The following NTNG1 variants were observed in gnomAD, a reference collection of about 807,000 sequenced individuals.
NTNG1 encodes netrin G1.
Under a neutral mutation model 54.0 loss-of-function variants are expected in NTNG1, and 16 were observed. The ratio of observed to expected loss-of-function variants is 0.30; its 90% confidence interval spans 0.20 to 0.45. NTNG1 has a LOEUF of 0.45. Ranked by LOEUF, NTNG1 falls within the 20% of genes least tolerant of loss-of-function variation. NTNG1 has a pLI of 1.00. For missense variants in NTNG1, 530 were observed against 678.7 expected, an observed-to-expected ratio of 0.78 and a Z score of 2.43; for synonymous variants, 255 against 263.1, an observed-to-expected ratio of 0.97 and a Z score of 0.30.
intron 2 of NTNG1, among the ~76,000 whole-genome samples, chr1:107,193,255 TA>T (rs1658091950): frequency 6.6e-6 from 1 of 152,012 alleles, no homozygotes. Flanking sequence ...CTGGTCTTCT[TA>T]CTTCTCATAG....
chr1:107,368,637 C>T lies in NTNG1; in HGVS notation c.888-26517C>T, dbSNP rs367781463. Among the ~76,000 whole-genome samples, 27 of 152,214 alleles carry T rather than the reference C, an allele frequency of 1.8e-4. No individual in the cohort carries two copies. The East Asian group carries it at 3.5e-3, about 20-fold the overall frequency. ...AGCATTCTTCTGAGTCCTTTAAGTG[C>T]ATTATTTCACTTACTCTTCATATCA... On this transcript the variant is annotated intron_variant, in intron 3 of 7. Coordinates refer to ENST00000370068, the MANE Select transcript of NTNG1 (RefSeq NM_001113226.3).
chr1:107,284,390 T>G (rs1665063006), intron 2 of NTNG1, among the ~76,000 whole-genome samples: 1 of 152,122 alleles, frequency 6.6e-6, no homozygotes, highest in South Asian at 2.1e-4. Flanking sequence ...TACCTAAAAG[T>G]ATTGATTGGT....
intron 2 of NTNG1, among the ~76,000 whole-genome samples, chr1:107,304,433 T>G (rs953691001): frequency 6.6e-6 from 1 of 152,212 alleles, no homozygotes; most frequent in Non-Finnish European, 1.5e-5. Flanking sequence ...ACATGAATTC[T>G]TCCTTTCTAT....
chr1:107,185,636 A>G (rs1657398390), intron 2 of NTNG1, among the ~76,000 whole-genome samples: 1 of 152,168 alleles, frequency 6.6e-6, no homozygotes, highest in Admixed American at 6.5e-5. Context: ...AGTCAGAACA[A>G]GGTGGAAATC....
At chr1:107,265,010 C>G (rs564169004) in intron 2 of NTNG1, among the ~76,000 whole-genome samples, 76 of 152,324 alleles carry the variant, frequency 5.0e-4, no homozygotes, top group African/African-American at 1.7e-3. Context: ...CTCCCCCCGT[C>G]AGTGTTTTGC....
At chr1:107,395,948 A>C (rs1281745799) in intron 4 of NTNG1, among the ~76,000 whole-genome samples, 1 of 152,192 alleles carries the variant, frequency 6.6e-6, no homozygotes, top group Non-Finnish European at 1.5e-5. Context: ...TTTTCTACGC[A>C]TGTGAAAGAG....
intron 5 of NTNG1, among the ~76,000 whole-genome samples, chr1:107,429,242 A>G (rs1022366673): frequency 6.6e-6 from 1 of 152,012 alleles, no homozygotes. Context: ...CTCTGCTTCT[A>G]TCCAAATTTG....
In NTNG1 at chr1:107,408,174, A is replaced by G. The variant is rs140968952; in HGVS notation, c.1087+466A>G. On this transcript the variant is annotated intron_variant, in intron 5 of 7. Transcript: ENST00000370068. ...AGAAAAAGTCCATGATACCAAGGGA[A>G]GGGAATTTTGTTAATGCATTAAATT... 89 of 242,426 alleles carry G rather than the reference A, an allele frequency of 3.7e-4. No homozygotes were observed. The East Asian group carries it at 8.2e-3, about 22-fold the overall frequency. 15.0% of individuals were successfully genotyped at this position (242,426 alleles called of 1,614,324 possible).
chr1:107,362,432 C>G (rs1670355566), intron 3 of NTNG1, among the ~76,000 whole-genome samples: 1 of 152,220 alleles, frequency 6.6e-6, no homozygotes, highest in African/African-American at 2.4e-5. Context: ...GCTTTAATTA[C>G]TGGAAAGCTA....
intron 7 of NTNG1, among the ~76,000 whole-genome samples, chr1:107,442,268 A>C (rs1267187220): frequency 6.6e-6 from 1 of 152,176 alleles, no homozygotes; most frequent in African/African-American, 2.4e-5. Context: ...GTATTGTTCC[A>C]AACATTAAGA....
At chr1:107,163,335 G>T (rs1655547735) in intron 2 of NTNG1, among the ~76,000 whole-genome samples, 2 of 151,988 alleles carry the variant, frequency 1.3e-5, no homozygotes, top group Admixed American at 6.6e-5. Flanking sequence ...TCTTTGTTTT[G>T]AAAAATAATA....
chr1:107,363,068 T>A (rs1289074662), intron 3 of NTNG1, among the ~76,000 whole-genome samples: 1 of 152,252 alleles, frequency 6.6e-6, no homozygotes, highest in Admixed American at 6.5e-5. Flanking sequence ...GGTCAGGGTT[T>A]CATATTGCTG....
At chr1:107,480,583 C>CCCCCCCCCCCCA in intron 7 of NTNG1, 28 bp from the exon 8 acceptor site, 1 of 744,750 alleles carries the variant, frequency 1.3e-6, no homozygotes, top group Non-Finnish European at 2.3e-6. Flanking sequence ...CGCGCCCACC[C>CCCCCCCCCCCCA]ACCCCTACCT....
intron 2 of NTNG1, among the ~76,000 whole-genome samples, chr1:107,218,708 A>G (rs1031010454): frequency 1.3e-5 from 2 of 152,276 alleles, no homozygotes; most frequent in South Asian, 2.1e-4. Context: ...TCCTTCATTT[A>G]TGAGGCTTAG....
chr1:107,145,620 C>T (rs1482384709), intron 1 of NTNG1, among the ~76,000 whole-genome samples: 1 of 152,002 alleles, frequency 6.6e-6, no homozygotes. Context: ...CAAAGCTTGA[C>T]ATTTTTAATA....
At chr1:107,391,784 T>C (rs10881464) in intron 3 of NTNG1, among the ~76,000 whole-genome samples, 1 of 151,764 alleles carries the variant, frequency 6.6e-6, no homozygotes, top group South Asian at 2.1e-4. Context: ...ATTACCACAA[T>C]GAGGGCACCA....
intron 2 of NTNG1, among the ~76,000 whole-genome samples, chr1:107,226,474 T>A (rs1223810929): frequency 6.6e-6 from 1 of 152,144 alleles, no homozygotes; most frequent in African/African-American, 2.4e-5. Flanking sequence ...AAAACACATG[T>A]AGGTTCATAT....
chr1:107,483,173 C>T lies in NTNG1; in HGVS notation c.*2333C>T, dbSNP rs967232438. The T allele has an allele frequency of 3.9e-5, 6 of 152,216 alleles. No individual in the cohort carries two copies. Among genetic ancestry groups the T allele is most frequent in the African/African-American group, 1.4e-4 (6 of 41,454 alleles). The allele number at this position is 152,216 out of a possible 1,614,324, so 9.4% of individuals were successfully genotyped here. A position where few individuals can be genotyped will look rare whatever the true frequency, so the allele number is the denominator to read the frequency against. ...ATAGTTTATTAGCACAAACCAAAGG[C>T]AGCCCATGTTATTTCTGGCAAAGAT... On this transcript the variant is annotated 3_prime_UTR_variant, in exon 8 of 8. Transcript: ENST00000370068.
At chr1:107,193,643 T>C (rs1351417788) in intron 2 of NTNG1, among the ~76,000 whole-genome samples, 1 of 151,980 alleles carries the variant, frequency 6.6e-6, no homozygotes, top group Non-Finnish European at 1.5e-5. Context: ...GTGACTTGCC[T>C]AAGAGGTCCA....
Sources: gnomAD v4.1 joint callset for allele counts (sites outside exome capture counted in the v4.1 genomes callset) on GRCh38, gnomAD v4.1.1 for gene constraint, MANE v1.5 for transcripts, NCBI Gene and HGNC (gene_info 2026-07-23, HGNC 2026-07-21) for gene names.